The following C17orf114 variants were observed in gnomAD, a reference collection of about 807,000 sequenced individuals.
C17orf114 encodes the protein chromosome 17 open reading frame 114.
At chr17:4,802,909 T>C (rs1198469388), upstream of C17orf114, among the ~76,000 whole-genome samples, 1 of 152,154 alleles carries the variant, frequency 6.6e-6, no homozygotes, top group East Asian at 1.9e-4. Context: ...TCATTTCACT[T>C]AATCACGTCA....
chr17:4,806,466 T>C (rs1230279411), upstream of C17orf114, among the ~76,000 whole-genome samples: 1 of 152,208 alleles, frequency 6.6e-6, no homozygotes. Context: ...TGAAATATCT[T>C]GTATTTTAAT....
chr17:4,806,984 C>T (rs1393499119), upstream of C17orf114: 1 of 150,590 alleles, frequency 6.6e-6, no homozygotes, highest in African/African-American at 2.4e-5. Flanking sequence ...GGGCGGCCCC[C>T]TGCCCGGGGC....
At chr17:4,804,117 G>A (rs1905581798), upstream of C17orf114, among the ~76,000 whole-genome samples, 1 of 152,178 alleles carries the variant, frequency 6.6e-6, no homozygotes, top group African/African-American at 2.4e-5. Context: ...CCAGAGCCAA[G>A]GCTGGGAGCA....
chr17:4,805,084 C>T (rs1905612382), upstream of C17orf114, among the ~76,000 whole-genome samples: 1 of 152,150 alleles, frequency 6.6e-6, no homozygotes, highest in African/African-American at 2.4e-5. Context: ...CTACACCCTG[C>T]CACAAGCAAC....
At chr17:4,801,182 T>C (rs1046977283) in exon 2 of C17orf114, 9 of 397,164 alleles carry the variant, frequency 2.3e-5, no homozygotes, top group Non-Finnish European at 3.5e-5. Flanking sequence ...ACACATTTGA[T>C]GAGAAGGTTA....
At position 4,802,123 on chromosome 17, in the gene C17orf114, C is replaced by T. The variant is rs188080271; in HGVS notation, c.73+124G>A. ...CTGTCCTGTGAGGACTTCGGTGATC[C>T]ATCTCCCACCCAGGGAGACAGATGA... On this transcript the variant is annotated intron_variant, in intron 1 of 1. Coordinates refer to ENST00000635921, the Ensembl canonical transcript of C17orf114. 10 of 396,438 alleles carry T rather than the reference C, an allele frequency of 2.5e-5. No homozygotes were observed. In the East Asian group the frequency reaches 3.6e-4, roughly 14 times the overall value. The allele number at this position is 396,438 out of a possible 1,614,324, so 24.6% of individuals were successfully genotyped here.
At chr17:4,801,878 C>A (rs1054351147) in intron 1 of C17orf114, among the ~76,000 whole-genome samples, 2 of 151,892 alleles carry the variant, frequency 1.3e-5, no homozygotes, top group Non-Finnish European at 2.9e-5. Context: ...CTACAGGCGC[C>A]CGCCACCACA....
chr17:4,801,738 T>C (rs1165622372), intron 1 of C17orf114, among the ~76,000 whole-genome samples: 5 of 151,698 alleles, frequency 3.3e-5, no homozygotes, highest in Non-Finnish European at 7.4e-5. Flanking sequence ...ATTCTTAATT[T>C]TTTTTTTTTT....
chr17:4,802,124 A>G, intron 1 of C17orf114, 123 bp downstream of exon 1: 1 of 396,586 alleles, frequency 2.5e-6, no homozygotes, highest in Non-Finnish European at 4.4e-6. Context: ...TCGGTGATCC[A>G]TCTCCCACCC....
At chr17:4,804,650 G>T (rs1905597858), upstream of C17orf114, among the ~76,000 whole-genome samples, 1 of 150,222 alleles carries the variant, frequency 6.7e-6, no homozygotes, top group Admixed American at 6.7e-5. Flanking sequence ...CCAGGCCGGA[G>T]TGTAGTGGCA....
upstream of C17orf114, among the ~76,000 whole-genome samples, chr17:4,806,268 T>C (rs1415662459): frequency 1.3e-5 from 2 of 152,132 alleles, no homozygotes; most frequent in East Asian, 3.8e-4. Flanking sequence ...AAAAAATCGT[T>C]TGGCAGTTTC....
upstream of C17orf114, among the ~76,000 whole-genome samples, chr17:4,805,305 T>C (rs1255509622): frequency 6.6e-6 from 1 of 151,220 alleles, no homozygotes; most frequent in Non-Finnish European, 1.5e-5. Flanking sequence ...GGCAGGTGCC[T>C]GTAATCCCAG....
chr17:4,801,610 G>T (rs1289508548), intron 1 of C17orf114, among the ~76,000 whole-genome samples, 155 bp from the exon 2 acceptor site: 1 of 152,182 alleles, frequency 6.6e-6, no homozygotes, highest in Non-Finnish European at 1.5e-5. Flanking sequence ...AGGGAGAGGG[G>T]CTGTTGCAGA....
At chr17:4,804,425 C>T (rs1396209484), upstream of C17orf114, among the ~76,000 whole-genome samples, 4 of 151,620 alleles carry the variant, frequency 2.6e-5, no homozygotes, top group African/African-American at 7.3e-5. Flanking sequence ...AGGATGGTCT[C>T]GATATCGTGA....
upstream of C17orf114, among the ~76,000 whole-genome samples, chr17:4,805,397 G>T (rs931600764): frequency 3.3e-5 from 5 of 150,262 alleles, no homozygotes; most frequent in African/African-American, 1.2e-4. Flanking sequence ...ACTCCAGCCT[G>T]GGCAATAACA....
At chr17:4,803,231 T>C (rs1413913249), upstream of C17orf114, among the ~76,000 whole-genome samples, 1 of 151,544 alleles carries the variant, frequency 6.6e-6, no homozygotes, top group Non-Finnish European at 1.5e-5. Flanking sequence ...AAAGATCTTT[T>C]GAGGTAAGTC....
intron 1 of C17orf114, 102 bp from the exon 2 acceptor site, chr17:4,801,557 G>A (rs982371178): frequency 5.6e-5 from 20 of 359,488 alleles, no homozygotes; most frequent in Non-Finnish European, 9.2e-5. Context: ...AGACACCTGG[G>A]GCCTGGGGGC....
upstream of C17orf114, among the ~76,000 whole-genome samples, chr17:4,804,091 A>C (rs189534050): frequency 1.3e-5 from 2 of 152,320 alleles, no homozygotes; most frequent in African/African-American, 4.8e-5. Context: ...CGATGCCCTC[A>C]GACAGTTTGG....
intron 1 of C17orf114, among the ~76,000 whole-genome samples, chr17:4,801,667 G>C (rs1244307987): frequency 6.6e-6 from 1 of 152,076 alleles, no homozygotes; most frequent in African/African-American, 2.4e-5. Flanking sequence ...AGTTGCATAG[G>C]ATCCTCCGAC....
Sources: allele counts gnomAD v4.1 joint callset (sites outside exome capture counted in the v4.1 genomes callset), GRCh38; gene constraint gnomAD v4.1.1; transcripts MANE v1.5; gene names NCBI Gene and HGNC (gene_info 2026-07-23, HGNC 2026-07-21).